DONSON: variants seen among roughly 807,000 people sequenced by gnomAD.
DONSON encodes protein downstream neighbor of Son.
In DONSON, 43 loss-of-function variants were observed where a neutral mutation model predicts 62.1. The observed-to-expected ratio is 0.69, with a 90% CI of 0.54 to 0.89. The LOEUF (loss-of-function observed/expected upper bound fraction) is 0.89, where lower values mean the gene tolerates loss of function less well. Among genes scored for constraint, DONSON ranks in the 40% least tolerant of loss-of-function variants. The pLI, the probability that DONSON is intolerant of heterozygous loss-of-function variation, is 0.00. For synonymous variants in DONSON, 266 were observed against 264.6 expected (o/e 1.01, Z -0.05); for missense variants, 696 against 697.5 (o/e 1.00, Z 0.03).
intron 4 of DONSON, 139 bp downstream of exon 4, chr21:33,584,451 T>C: frequency 2.6e-6 from 2 of 780,650 alleles, no homozygotes; most frequent in Non-Finnish European, 3.8e-6. Context: ...TATATGTTGG[T>C]TATTAATAGG....
At chr21:33,586,245 T>A in intron 2 of DONSON, 64 bp from the exon 3 acceptor site, 1 of 1,324,734 alleles carries the variant, frequency 7.5e-7, no homozygotes, top group Non-Finnish European at 1.1e-6. Context: ...ACCTAAAGAT[T>A]TTATCAGCTA....
rs768390658 is a variant in DONSON at position 33,588,388 on chromosome 21, T to C, written c.254A>G (p.Asn85Ser). ...ARRNPFARLD[N>S]RPRVAAEPPD... Reference sequence around the variant, plus strand: ...GGGCTCCGCGGCGACCCGCGGTCGGTTGTCCAGGCGGGCGAAGGGGTTCCT... The same window carrying C: ...GGGCTCCGCGGCGACCCGCGGTCGGCTGTCCAGGCGGGCGAAGGGGTTCCT... The change falls in exon 1 of 10, where the codon AAC becomes AGC. Residue 85 changes from asparagine to serine, a missense_variant. By Grantham distance (46) the Asn-to-Ser change is conservative. Coordinates refer to ENST00000303071, the MANE Select transcript of DONSON (RefSeq NM_017613.4). The C allele has an allele frequency of 8.5e-6, 11 of 1,297,520 alleles. No individual in the cohort carries two copies. The African/African-American group carries it at 1.4e-4, about 16-fold the overall frequency. The allele number at this position is 1,297,520 out of a possible 1,614,324, so 80.4% of individuals were successfully genotyped here.
chr21:33,585,843 C>T, intron 3 of DONSON, 135 bp downstream of exon 3: 1 of 849,732 alleles, frequency 1.2e-6, no homozygotes, highest in East Asian at 2.7e-5. Context: ...CTGGGAAAGA[C>T]AAAACTTCCT....
intron 9 of DONSON, 56 bp downstream of exon 9, chr21:33,579,294 C>G: frequency 7.4e-7 from 1 of 1,352,252 alleles, no homozygotes; most frequent in Non-Finnish European, 1.0e-6. Context: ...CAATTTCCCT[C>G]CAGCTAGTTT....
Position 33,584,643 on chromosome 21 carries a change from C to T in DONSON, c.732G>A (p.Lys244=). The T allele has an allele frequency of 3.1e-6, 5 of 1,613,304 alleles. No homozygotes were observed. Among genetic ancestry groups the T allele is most frequent in the Non-Finnish European group, 4.2e-6 (5 of 1,179,440 alleles). ...RIGADRKMAG[K]TSPWSNDATL... is the part of the protein sequence containing the mutation. ...TTGCATCATTTGACCAAGGACTTGT[C>T]TTTCCAGCCATTTTTCTATCAGCTC... Residue 244 remains lysine, a synonymous_variant, in exon 4 of 10, where the codon AAG becomes AAA. Coordinates refer to ENST00000303071, the MANE Select transcript of DONSON (RefSeq NM_017613.4).
chr21:33,584,075 C>T (rs1324957563), intron 4 of DONSON, among the ~76,000 whole-genome samples: 3 of 131,648 alleles, frequency 2.3e-5, no homozygotes, highest in African/African-American at 5.7e-5. Flanking sequence ...GACGGAGTTT[C>T]GCTCTGTCGC....
rs1447614813 is a variant in DONSON at position 33,582,042 on chromosome 21, T to C, written c.1060A>G (p.Ser354Gly). 4.3e-6 allele frequency: 7 copies of C among 1,614,148 alleles called. No homozygotes were observed. Among genetic ancestry groups the C allele is most frequent in the South Asian group, 1.1e-5 (1 of 91,080 alleles). Residue 354 changes from serine to glycine, a missense_variant, in exon 7 of 10, where the codon AGT (serine) becomes GGT (glycine). Ser to Gly is a moderately conservative substitution (Grantham distance 56). Transcript: ENST00000303071. The part of the protein sequence containing the change: ...SLGYGEEQAI[S>G]DEDEEESFSW... ...AAACTTTCCTCTTCATCCTCATCAC[T>C]GATGGCTTGCTCCCTAGGAAATTGC...
intron 5 of DONSON, among the ~76,000 whole-genome samples, 161 bp from the exon 6 acceptor site, chr21:33,582,407 A>G (rs1398551040): frequency 6.6e-6 from 1 of 152,250 alleles, no homozygotes; most frequent in Non-Finnish European, 1.5e-5. Context: ...AACATGCATA[A>G]AACGTATTCT....
intron 2 of DONSON, among the ~76,000 whole-genome samples, chr21:33,586,511 C>T (rs974073683): frequency 4.6e-5 from 7 of 152,152 alleles, no homozygotes; most frequent in African/African-American, 1.7e-4. Context: ...CATTTTGGAT[C>T]TTTTAAGCTT....
At chr21:33,586,759 C>T (rs897996722) in intron 2 of DONSON, among the ~76,000 whole-genome samples, 4 of 152,032 alleles carry the variant, frequency 2.6e-5, no homozygotes, top group Admixed American at 6.6e-5. Context: ...CTCGTCCTCC[C>T]GAGTACCTGG....
chr21:33,588,599 G>T lies in DONSON; in HGVS notation c.43C>A (p.Pro15Thr). The change falls in exon 1 of 10, where the codon CCG (proline) becomes ACG (threonine). Residue 15 changes from proline to threonine, a missense_variant. Pro to Thr is a conservative substitution (Grantham distance 38, BLOSUM62 -1). Transcript: ENST00000303071. Reference protein sequence around the residue: ...VPGYSPGFRKPPEVVRLRRKR... With the variant: ...VPGYSPGFRKTPEVVRLRRKR... ...CGTCGGAGCCGCACTACCTCGGGCG[G>T]CTTTCGGAAGCCCGGTGAGTAGCCG... is the stretch of plus-strand genomic sequence containing the variant. The T allele has an allele frequency of 2.4e-6, 3 of 1,249,508 alleles. No homozygotes were observed. Among genetic ancestry groups the T allele is most frequent in the Non-Finnish European group, 3.0e-6 (3 of 995,788 alleles). 77.4% of individuals were successfully genotyped at this position (1,249,508 alleles called of 1,614,324 possible).
intron 9 of DONSON, 59 bp downstream of exon 9, chr21:33,579,291 C>T (rs2086477685): frequency 7.5e-7 from 1 of 1,327,506 alleles, no homozygotes; most frequent in Non-Finnish European, 1.0e-6. Context: ...ACTCAATTTC[C>T]CTCCAGCTAG....
chr21:33,582,079 T>A, intron 6 of DONSON, 24 bp from the exon 7 acceptor site: 1 of 1,612,742 alleles, frequency 6.2e-7, no homozygotes, highest in Non-Finnish European at 8.5e-7. Context: ...ACAGTTAGAG[T>A]CCCTATTTCA....
At chr21:33,584,565 T>C (rs962708896) in intron 4 of DONSON, 25 bp downstream of exon 4, 3 of 1,558,694 alleles carry the variant, frequency 1.9e-6, no homozygotes, top group Non-Finnish European at 2.6e-6. Flanking sequence ...TATTGAATTA[T>C]ACAAGTTTCT....
intron 4 of DONSON, among the ~76,000 whole-genome samples, chr21:33,584,040 ATATATAC>A (rs1277724290): frequency 7.1e-6 from 1 of 140,514 alleles, no homozygotes; most frequent in African/African-American, 2.6e-5. Context: ...ATATATATAT[ATATATAC>A]TTTTTTTTTT....
At position 33,579,231 on chromosome 21, in the gene DONSON, TTAAG is replaced by T. The variant is rs1194709579; in HGVS notation, c.1563+115_1563+118del. 15 of 688,286 alleles carry T rather than the reference TTAAG, an allele frequency of 2.2e-5. No individual in the cohort carries two copies. In the South Asian group the frequency reaches 2.7e-4, roughly 13 times the overall value. The allele number at this position is 688,286 out of a possible 1,614,324, so 42.6% of individuals were successfully genotyped here. A position where few individuals can be genotyped will look rare whatever the true frequency, so the allele number is the denominator to read the frequency against. Reference sequence around the variant, plus strand: ...TATTCCTTCCTCTAGTAATTCATAATTAAGTAACAGTTTAATTACTTGAAACACA... The same window carrying T: ...TATTCCTTCCTCTAGTAATTCATAATTAACAGTTTAATTACTTGAAACACA... On this transcript the variant is annotated intron_variant, in intron 9 of 9. Coordinates refer to ENST00000303071, the MANE Select transcript of DONSON (RefSeq NM_017613.4).
Position 33,583,593 on chromosome 21 carries a change from G to T in DONSON, c.859C>A (p.Gln287Lys). Residue 287 changes from glutamine (Q) to lysine (K), a missense_variant, in exon 5 of 10, where the codon CAG becomes AAG. Transcript: ENST00000303071. Reference sequence around the variant, plus strand: ...GCTGCTCGGAACAGGACAGTAAACTGATAGGTACAAACGTAGAAATAGGGG... The same window carrying T: ...GCTGCTCGGAACAGGACAGTAAACTTATAGGTACAAACGTAGAAATAGGGG... The part of the protein sequence containing the change: ...LCPYFYVCTY[Q>K]FTVLFRAAGL... 6.2e-7 allele frequency: 1 copy of T among 1,613,982 alleles called. No homozygotes were observed. Among genetic ancestry groups the T allele is most frequent in the East Asian group, 2.2e-5 (1 of 44,856 alleles).
Position 33,584,653 on chromosome 21 carries a change from A to C in DONSON, c.722T>G (p.Met241Arg). The change falls in exon 4 of 10, where the codon ATG becomes AGG. Residue 241 changes from methionine to arginine, a missense_variant. By Grantham distance (91) the Met-to-Arg change is moderately conservative (BLOSUM62 -1). Transcript: ENST00000303071. ...LFPRIGADRK[M>R]AGKTSPWSND... ...TGACCAAGGACTTGTCTTTCCAGCC[A>C]TTTTTCTATCAGCTCCAATACGAGG... 6.2e-7 allele frequency: 1 copy of C among 1,613,218 alleles called. No homozygotes were observed. The highest frequency in any genetic ancestry group is 8.5e-7 in the Non-Finnish European group (1 of 1,179,402).
In DONSON at chr21:33,588,682, C is replaced by A. The variant is rs2086611741; in HGVS notation, c.-41G>T. Reference sequence around the variant, plus strand: ...AGGGTAGCCGGCCGCCCTACAGAGACTTCCCGCGCGCGCCGGGCCCGCCCC... The same window carrying A: ...AGGGTAGCCGGCCGCCCTACAGAGAATTCCCGCGCGCGCCGGGCCCGCCCC... On this transcript the variant is annotated 5_prime_UTR_variant, in exon 1 of 10. Coordinates refer to ENST00000303071, the MANE Select transcript of DONSON (RefSeq NM_017613.4). 10 of 1,222,916 alleles carry A rather than the reference C, an allele frequency of 8.2e-6. No individual in the cohort carries two copies. The Admixed American group carries it at 4.3e-4, about 53-fold the overall frequency. The allele number at this position is 1,222,916 out of a possible 1,614,324, so 75.8% of individuals were successfully genotyped here.
Sources: allele counts gnomAD v4.1 joint callset (sites outside exome capture counted in the v4.1 genomes callset), GRCh38; gene constraint gnomAD v4.1.1; transcripts MANE v1.5; gene names NCBI Gene and HGNC (gene_info 2026-07-23, HGNC 2026-07-21).